CCBE1: variants seen among roughly 807,000 people sequenced by gnomAD.
CCBE1 encodes the protein collagen and calcium-binding EGF domain-containing protein 1.
In CCBE1, 37 loss-of-function variants were observed where a neutral mutation model predicts 50.0. That is an observed-to-expected ratio of 0.74 (90% CI 0.57 to 0.97). CCBE1 has a LOEUF of 0.97. CCBE1 is among the 50% of genes least tolerant of loss of function. The pLI is 0.00. For missense variants in CCBE1, 538 were observed against 523.8 expected, an observed-to-expected ratio of 1.03 and a Z score of -0.26; for synonymous variants, 234 against 203.7, an observed-to-expected ratio of 1.15 and a Z score of -1.27.
intron 2 of CCBE1, among the ~76,000 whole-genome samples, chr18:59,631,587 C>T (rs1390244929): frequency 6.6e-6 from 1 of 152,202 alleles, no homozygotes; most frequent in African/African-American, 2.4e-5. Flanking sequence ...AGATCAGCTA[C>T]CTGCAAATCA....
chr18:59,461,728 T>A (rs1407778519), intron 5 of CCBE1, among the ~76,000 whole-genome samples: 2 of 99,642 alleles, frequency 2.0e-5, no homozygotes, highest in African/African-American at 6.5e-5. Context: ...CCAGGTGTAA[T>A]CTTTTTTTTT....
At chr18:59,490,193 C>T (rs1379179461) in intron 2 of CCBE1, among the ~76,000 whole-genome samples, 1 of 152,014 alleles carries the variant, frequency 6.6e-6, no homozygotes, top group Non-Finnish European at 1.5e-5. Context: ...CCATGTTGGG[C>T]AGGCTCGTCT....
intron 2 of CCBE1, chr18:59,666,030 C>A (rs536286119): frequency 1.3e-5 from 2 of 152,314 alleles, no homozygotes; most frequent in African/African-American, 4.8e-5. Context: ...TAAAGACATA[C>A]CCGAGACTCG....
chr18:59,661,703 C>T (rs2144689735), intron 2 of CCBE1, among the ~76,000 whole-genome samples: 1 of 152,298 alleles, frequency 6.6e-6, no homozygotes, highest in Non-Finnish European at 1.5e-5. Context: ...CATGGTGGTT[C>T]ATGCCTGTAA....
intron 2 of CCBE1, among the ~76,000 whole-genome samples, chr18:59,589,909 A>T (rs1228882854): frequency 6.6e-6 from 1 of 152,124 alleles, no homozygotes; most frequent in African/African-American, 2.4e-5. Context: ...ATAACATAGC[A>T]TATTATTAGG....
chr18:59,573,501 G>T (rs1014774966), intron 2 of CCBE1, among the ~76,000 whole-genome samples: 2 of 151,442 alleles, frequency 1.3e-5, no homozygotes, highest in South Asian at 4.2e-4. Flanking sequence ...ACCACCAATT[G>T]TGTGAGCCAA....
intron 2 of CCBE1, among the ~76,000 whole-genome samples, chr18:59,535,036 T>C (rs1050288182): frequency 6.6e-6 from 1 of 152,200 alleles, no homozygotes; most frequent in Non-Finnish European, 1.5e-5. Flanking sequence ...CAGTTTCGAA[T>C]CCCCAATTTC....
chr18:59,529,023 T>C (rs139493926), intron 2 of CCBE1, among the ~76,000 whole-genome samples: 32 of 152,280 alleles, frequency 2.1e-4, no homozygotes, highest in African/African-American at 7.5e-4. Context: ...GAAGGAAATC[T>C]CACTTGTCTG....
chr18:59,605,676 G>C (rs974212756), intron 2 of CCBE1, among the ~76,000 whole-genome samples: 1 of 152,120 alleles, frequency 6.6e-6, no homozygotes, highest in African/African-American at 2.4e-5. Flanking sequence ...TACCCACCTA[G>C]AGCTTGCAGG....
chr18:59,659,469 C>T (rs1322253803), intron 2 of CCBE1, among the ~76,000 whole-genome samples: 1 of 152,090 alleles, frequency 6.6e-6, no homozygotes, highest in South Asian at 2.1e-4. Flanking sequence ...GCAGAAATCT[C>T]CCTGTTATTT....
intron 7 of CCBE1, 111 bp from the exon 8 acceptor site, chr18:59,439,927 T>G: frequency 8.4e-7 from 1 of 1,193,772 alleles, no homozygotes; most frequent in South Asian, 1.4e-5. Context: ...TCTCTCTGCC[T>G]TTGCCTTCTG....
At chr18:59,473,941 G>A (rs1912185764) in intron 3 of CCBE1, among the ~76,000 whole-genome samples, 1 of 146,690 alleles carries the variant, frequency 6.8e-6, no homozygotes, top group Admixed American at 7.0e-5. Flanking sequence ...TTATGTCCAT[G>A]TGTGCACAAT....
At position 59,615,046 on chromosome 18, in the gene CCBE1, T is replaced by C. The variant is rs905216780; in HGVS notation, c.212+81583A>G. On this transcript the variant is annotated intron_variant, in intron 2 of 10. Coordinates refer to ENST00000439986, the MANE Select transcript of CCBE1 (RefSeq NM_133459.4). The stretch of plus-strand genomic sequence containing the variant: ...TCCAATGACAAATGCCTGACAACTA[T>C]GTGTCCACTTTTCTCTCTTCTCCTT... Among the ~76,000 whole-genome samples the C allele has an allele frequency of 9.2e-5, 14 of 152,366 alleles. No homozygotes were observed. The South Asian group carries it at 2.9e-3, about 32-fold the overall frequency.
At chr18:59,549,830 A>G (rs1915848983) in intron 2 of CCBE1, among the ~76,000 whole-genome samples, 1 of 152,220 alleles carries the variant, frequency 6.6e-6, no homozygotes, top group African/African-American at 2.4e-5. Flanking sequence ...GGCATGGGGT[A>G]AAGAGTACAG....
At chr18:59,644,730 G>A (rs181816536) in intron 2 of CCBE1, among the ~76,000 whole-genome samples, 8 of 152,182 alleles carry the variant, frequency 5.3e-5, no homozygotes, top group East Asian at 1.9e-4. Flanking sequence ...CCCCCACACC[G>A]TCACTAACTC....
At chr18:59,693,504 T>C (rs1006646233) in intron 2 of CCBE1, among the ~76,000 whole-genome samples, 7 of 152,142 alleles carry the variant, frequency 4.6e-5, no homozygotes, top group African/African-American at 1.7e-4. Flanking sequence ...AGAACCACTT[T>C]GAAGAACATG....
intron 2 of CCBE1, among the ~76,000 whole-genome samples, chr18:59,671,499 GAA>G (rs56009778): frequency 0.33 from 39,761 of 120,864 alleles, 5,702 homozygotes; most frequent in Non-Finnish European, 0.41. Context: ...CCTTGTCTCA[GAA>G]AAAAAAAAAA....
intron 2 of CCBE1, among the ~76,000 whole-genome samples, chr18:59,534,498 G>T (rs1028742190): frequency 6.6e-6 from 1 of 152,226 alleles, no homozygotes; most frequent in Non-Finnish European, 1.5e-5. Flanking sequence ...TCCTCTGTCT[G>T]AGAGGGGCTT....
intron 7 of CCBE1, among the ~76,000 whole-genome samples, 196 bp downstream of exon 7, chr18:59,447,787 G>T (rs1462949604): frequency 6.6e-6 from 1 of 152,138 alleles, no homozygotes; most frequent in East Asian, 1.9e-4. Context: ...ATTGCTATTG[G>T]CTATGAGGGT....
Sources: allele counts gnomAD v4.1 joint callset (sites outside exome capture counted in the v4.1 genomes callset), GRCh38; gene constraint gnomAD v4.1.1; transcripts MANE v1.5; gene names NCBI Gene and HGNC (gene_info 2026-07-23, HGNC 2026-07-21).